DLG2: variants seen among roughly 807,000 people sequenced by gnomAD.
DLG2 encodes disks large homolog 2.
In DLG2, 45 loss-of-function variants were observed where a neutral mutation model predicts 132.5. The ratio of observed to expected loss-of-function variants is 0.34; its 90% CI spans 0.27 to 0.44. The LOEUF is 0.44. DLG2 is among the 20% of genes least tolerant of loss of function. The probability of loss-of-function intolerance (pLI) is 1.00; values close to 1 mark genes in which losing one functional copy is unlikely to be tolerated. For synonymous variants in DLG2, 424 were observed against 419.6 expected, an observed-to-expected ratio of 1.01 and a Z score of -0.13; for missense variants, 1,045 against 1,196.9, an observed-to-expected ratio of 0.87 and a Z score of 1.87.
At chr11:84,037,990 G>C (rs1297778605) in intron 11 of DLG2, among the ~76,000 whole-genome samples, 1 of 151,578 alleles carries the variant, frequency 6.6e-6, no homozygotes, top group African/African-American at 2.4e-5. Flanking sequence ...TTTATTTTAA[G>C]TTCAGGAGTA....
At chr11:85,464,808 C>T (rs1465205243) in intron 3 of DLG2, among the ~76,000 whole-genome samples, 2 of 151,734 alleles carry the variant, frequency 1.3e-5, no homozygotes, top group African/African-American at 4.8e-5. Context: ...GGCGCGGTGG[C>T]TCACACCTGT....
intron 14 of DLG2, among the ~76,000 whole-genome samples, chr11:83,960,854 G>A (rs1283441311): frequency 6.6e-6 from 1 of 151,942 alleles, no homozygotes; most frequent in Non-Finnish European, 1.5e-5. Flanking sequence ...GAGAGTGGTG[G>A]AGGGGTGTGT....
At chr11:84,798,114 G>T (rs1230035074) in intron 6 of DLG2, among the ~76,000 whole-genome samples, 2 of 152,128 alleles carry the variant, frequency 1.3e-5, no homozygotes, top group African/African-American at 2.4e-5. Flanking sequence ...ACTGCCCTGG[G>T]TCAGATCTGA....
rs187634413 is a variant in DLG2 at position 85,392,897 on chromosome 11, C to T, written c.41-107532G>A. Among the ~76,000 whole-genome samples, 375 of 152,176 alleles carry T rather than the reference C, an allele frequency of 2.5e-3. 5 individuals carry two copies. Among genetic ancestry groups the T allele is most frequent in the African/African-American group, 8.6e-3 (359 of 41,554 alleles). On this transcript the variant is annotated intron_variant, in intron 3 of 27. Transcript: ENST00000376104. ...TCTAGAAGATAACATCGGAAAAACC[C>T]TTCTAGACATTGACTTAGGCAAAGA... is the stretch of plus-strand genomic sequence containing the variant.
At chr11:85,153,969 G>C (rs990669562) in intron 5 of DLG2, among the ~76,000 whole-genome samples, 1 of 151,814 alleles carries the variant, frequency 6.6e-6, no homozygotes, top group African/African-American at 2.4e-5. Context: ...ATTTAATTTA[G>C]CTGCCTGGAA....
intron 8 of DLG2, among the ~76,000 whole-genome samples, chr11:84,194,240 G>A (rs550108386): frequency 4.6e-5 from 7 of 152,082 alleles, no homozygotes; most frequent in Admixed American, 2.0e-4. Flanking sequence ...TCTTGGTCTC[G>A]CTGACTTTCA....
intron 21 of DLG2, among the ~76,000 whole-genome samples, chr11:83,532,237 C>A (rs9634001): frequency 6.6e-6 from 1 of 151,888 alleles, no homozygotes; most frequent in South Asian, 2.1e-4. Context: ...AAATTTTAGT[C>A]ATTAATTCTC....
intron 6 of DLG2, among the ~76,000 whole-genome samples, chr11:84,664,963 AT>A (rs999514585): frequency 1.7e-4 from 25 of 149,576 alleles, no homozygotes; most frequent in South Asian, 4.2e-4. Context: ...GGTATGACAT[AT>A]TTTTTTTTTC....
chr11:84,071,250 C>T (rs538272972), intron 10 of DLG2, among the ~76,000 whole-genome samples: 2 of 151,942 alleles, frequency 1.3e-5, no homozygotes, highest in Non-Finnish European at 2.9e-5. Context: ...CACCATCACA[C>T]TGGCTTTTTT....
chr11:84,343,750 G>T (rs1168039064), intron 7 of DLG2, among the ~76,000 whole-genome samples: 1 of 152,140 alleles, frequency 6.6e-6, no homozygotes, highest in Non-Finnish European at 1.5e-5. Flanking sequence ...AATTTAAGGT[G>T]AAGGTATTAT....
chr11:84,656,671 G>T (rs1027172948), intron 6 of DLG2, among the ~76,000 whole-genome samples: 2 of 152,082 alleles, frequency 1.3e-5, no homozygotes, highest in Non-Finnish European at 2.9e-5. Context: ...GAAACAGAGA[G>T]ATCACAGTTC....
At chr11:85,097,150 A>G (rs2069971898) in intron 6 of DLG2, among the ~76,000 whole-genome samples, 1 of 152,066 alleles carries the variant, frequency 6.6e-6, no homozygotes, top group Non-Finnish European at 1.5e-5. Context: ...CTCATCTCCC[A>G]GGGTAGTTCC....
At chr11:84,771,300 A>G (rs1203426394) in intron 6 of DLG2, among the ~76,000 whole-genome samples, 1 of 152,284 alleles carries the variant, frequency 6.6e-6, no homozygotes, top group Non-Finnish European at 1.5e-5. Context: ...TGACTTTTTA[A>G]TAATAGCCAT....
chr11:83,931,792 A>G (rs566336833), intron 14 of DLG2, among the ~76,000 whole-genome samples: 3 of 152,302 alleles, frequency 2.0e-5, no homozygotes, highest in South Asian at 4.1e-4. Context: ...AGCAGGCTTT[A>G]ATACCTCGGA....
At chr11:84,286,679 A>C (rs773144618) in intron 7 of DLG2, among the ~76,000 whole-genome samples, 1 of 152,146 alleles carries the variant, frequency 6.6e-6, no homozygotes, top group Non-Finnish European at 1.5e-5. Flanking sequence ...TTTTCCCTCA[A>C]ATAAACTATT....
In DLG2 at chr11:84,277,236, C is replaced by T. The variant is rs7116991; in HGVS notation, c.520-25945G>A. ...CTAGGCACCAATTTGAGCTAATAAA[C>T]CTTTATAGAATATTTTACTCCACAA... is the stretch of plus-strand genomic sequence containing the variant. On this transcript the variant is annotated intron_variant, in intron 7 of 27. Transcript: ENST00000376104. Among the ~76,000 whole-genome samples, 525 of 152,234 alleles carry T rather than the reference C, an allele frequency of 3.4e-3. 1 individual carries two copies. Among genetic ancestry groups the T allele is most frequent in the African/African-American group, 0.011 (467 of 41,538 alleles).
intron 4 of DLG2, among the ~76,000 whole-genome samples, chr11:85,216,592 T>C (rs949012093): frequency 2.0e-5 from 3 of 152,214 alleles, no homozygotes; most frequent in African/African-American, 7.2e-5. Flanking sequence ...ATTAGCATGT[T>C]TGAAAAATGG....
At position 84,231,489 on chromosome 11, in the gene DLG2, C is replaced by T. The variant is rs140285922; in HGVS notation, c.573+19749G>A. Among the ~76,000 whole-genome samples the T allele has an allele frequency of 9.2e-5, 14 of 151,860 alleles. No individual in the cohort carries two copies. The East Asian group carries it at 1.5e-3, about 17-fold the overall frequency. ...GGCTTTTGAAGTAGATACTGAAGGA[C>T]GGGTAGGAGATTATCAGGTACAAAA... On this transcript the variant is annotated intron_variant, in intron 8 of 27. Coordinates refer to ENST00000376104, the MANE Select transcript of DLG2 (RefSeq NM_001142699.3).
chr11:83,839,591 C>T (rs1202847751), intron 16 of DLG2, among the ~76,000 whole-genome samples: 1 of 152,114 alleles, frequency 6.6e-6, no homozygotes, highest in East Asian at 1.9e-4. Context: ...GTGTTTCATC[C>T]ATTTGATGGA....
Sources: gnomAD v4.1 joint callset for allele counts (sites outside exome capture counted in the v4.1 genomes callset) on GRCh38, gnomAD v4.1.1 for gene constraint, MANE v1.5 for transcripts, NCBI Gene and HGNC (gene_info 2026-07-23, HGNC 2026-07-21) for gene names.